Variants in TMEM135 observed in about 807,000 individuals in gnomAD.
TMEM135 encodes transmembrane protein 135.
Under a neutral mutation model 60.3 loss-of-function variants are expected in TMEM135, and 30 were observed. The ratio of observed to expected loss-of-function variants is 0.50; its 90% CI spans 0.37 to 0.68. The LOEUF is 0.68. TMEM135 is among the 30% of genes least tolerant of loss of function. The pLI is 0.00. For synonymous variants in TMEM135, 190 were observed against 186.7 expected, an observed-to-expected ratio of 1.02 and a Z score of -0.14; for missense variants, 468 against 548.8, an observed-to-expected ratio of 0.85 and a Z score of 1.47.
intron 8 of TMEM135, among the ~76,000 whole-genome samples, chr11:87,303,618 G>A (rs1434668201): frequency 1.3e-5 from 2 of 152,126 alleles, no homozygotes; most frequent in African/African-American, 2.4e-5. Context: ...TTATGAACTT[G>A]CCTGACATAA....
chr11:87,236,807 A>C (rs535338809), intron 6 of TMEM135, 123 bp downstream of exon 6: 1 of 886,804 alleles, frequency 1.1e-6, no homozygotes, highest in Non-Finnish European at 1.8e-6. Context: ...CTCCCCCCGC[A>C]CCCCCGCCCA....
intron 5 of TMEM135, among the ~76,000 whole-genome samples, chr11:87,186,949 A>G (rs553403182): frequency 6.6e-6 from 1 of 152,322 alleles, no homozygotes; most frequent in East Asian, 1.9e-4. Flanking sequence ...ACACTAGAAA[A>G]TATAATTATT....
intron 12 of TMEM135, among the ~76,000 whole-genome samples, chr11:87,316,672 A>G (rs1263749014): frequency 6.6e-6 from 1 of 152,018 alleles, no homozygotes; most frequent in African/African-American, 2.4e-5. Context: ...AAGGGAACTG[A>G]GAGAAAGAAA....
chr11:87,319,089 G>A (rs577663882), intron 13 of TMEM135: 76 of 500,718 alleles, frequency 1.5e-4, no homozygotes, highest in African/African-American at 1.2e-3. Context: ...GGCTGGTCTC[G>A]AGCTCCTGAT....
rs1394435906 is a variant in TMEM135 at position 87,327,594 on chromosome 11, T to TG, written c.*6263dup. On this transcript the variant is annotated 3_prime_UTR_variant, in exon 15 of 15. Transcript: ENST00000305494. ...AGATATGAGAGGGGATTAAGGGAGT[T>TG]GGCTCATGTGATTGTGGAGGCTGAG... 4 of 452,644 alleles carry TG rather than the reference T, an allele frequency of 8.8e-6. No homozygotes were observed. The highest frequency in any genetic ancestry group is 1.8e-5 in the Non-Finnish European group (4 of 226,128). The allele number at this position is 452,644 out of a possible 1,614,324, so 28.0% of individuals were successfully genotyped here.
chr11:87,291,094 C>T (rs1942253506), intron 6 of TMEM135, among the ~76,000 whole-genome samples: 1 of 152,132 alleles, frequency 6.6e-6, no homozygotes, highest in South Asian at 2.1e-4. Context: ...ATGATTGTAT[C>T]TAGTCTCATG....
intron 4 of TMEM135, among the ~76,000 whole-genome samples, chr11:87,141,169 T>C (rs373874889): frequency 6.6e-6 from 1 of 152,142 alleles, no homozygotes; most frequent in East Asian, 1.9e-4. Flanking sequence ...GCTTTGACTT[T>C]ATGAACAATT....
intron 6 of TMEM135, among the ~76,000 whole-genome samples, chr11:87,291,833 GT>G (rs1942270661): frequency 6.6e-6 from 1 of 151,966 alleles, no homozygotes; most frequent in South Asian, 2.1e-4. Context: ...GTGAGCCACC[GT>G]CCCCGGCCTC....
At chr11:87,202,070 A>G (rs982872231) in intron 5 of TMEM135, among the ~76,000 whole-genome samples, 1 of 151,842 alleles carries the variant, frequency 6.6e-6, no homozygotes, top group Non-Finnish European at 1.5e-5. Context: ...GCGTTGCCCA[A>G]ACTGGAGTGC....
chr11:87,302,543 A>G, intron 8 of TMEM135, 101 bp downstream of exon 8: 8 of 1,432,130 alleles, frequency 5.6e-6, no homozygotes, highest in Non-Finnish European at 7.8e-6. Context: ...GGTAATGATG[A>G]TCATTTTTCA....
chr11:87,169,058 C>T (rs1036256050), intron 5 of TMEM135, among the ~76,000 whole-genome samples: 2 of 151,646 alleles, frequency 1.3e-5, no homozygotes, highest in Non-Finnish European at 2.9e-5. Flanking sequence ...TATGTAATGC[C>T]CTTCTTTGTC....
chr11:87,077,968 A>G (rs1856908712), intron 3 of TMEM135, among the ~76,000 whole-genome samples: 1 of 152,178 alleles, frequency 6.6e-6, no homozygotes, highest in African/African-American at 2.4e-5. Context: ...GATATGTCAC[A>G]TTTTATTTAT....
intron 1 of TMEM135, among the ~76,000 whole-genome samples, chr11:87,043,313 A>G (rs1262545535): frequency 1.3e-5 from 2 of 152,044 alleles, no homozygotes; most frequent in South Asian, 2.1e-4. Context: ...TACGGTAACA[A>G]TGTATGCATG....
intron 6 of TMEM135, chr11:87,259,180 C>A (rs1322085695): frequency 8.8e-6 from 5 of 568,324 alleles, no homozygotes; most frequent in Non-Finnish European, 1.6e-5. Flanking sequence ...TCGTCCTCCT[C>A]CAACTCCTCC....
intron 5 of TMEM135, among the ~76,000 whole-genome samples, chr11:87,166,515 C>T (rs914116566): frequency 1.3e-5 from 2 of 151,688 alleles, no homozygotes; most frequent in Admixed American, 6.6e-5. Flanking sequence ...TTTCAGTTTT[C>T]TGCATATGGC....
intron 6 of TMEM135, among the ~76,000 whole-genome samples, chr11:87,237,181 T>G (rs116208502): frequency 0.023 from 3,425 of 152,102 alleles, 107 homozygotes; most frequent in African/African-American, 0.074. Context: ...GACACTGGTC[T>G]CAGGTTTGTT....
intron 4 of TMEM135, among the ~76,000 whole-genome samples, chr11:87,130,168 T>A (rs1371543940): frequency 9.9e-5 from 4 of 40,592 alleles, no homozygotes; most frequent in East Asian, 2.0e-3. Context: ...GTTCCAGCAT[T>A]TTTTTTTTTT....
chr11:87,141,170 A>G (rs1197466848), intron 4 of TMEM135, among the ~76,000 whole-genome samples: 1 of 151,810 alleles, frequency 6.6e-6, no homozygotes, highest in East Asian at 1.9e-4. Context: ...CTTTGACTTT[A>G]TGAACAATTT....
At chr11:87,166,376 G>C (rs1279985848) in intron 5 of TMEM135, among the ~76,000 whole-genome samples, 1 of 151,622 alleles carries the variant, frequency 6.6e-6, no homozygotes, top group Non-Finnish European at 1.5e-5. Flanking sequence ...TGAAGTCTTT[G>C]CCCATGGCTA....
Sources: gnomAD v4.1 joint callset for allele counts (sites outside exome capture counted in the v4.1 genomes callset) on GRCh38, gnomAD v4.1.1 for gene constraint, MANE v1.5 for transcripts, NCBI Gene and HGNC (gene_info 2026-07-23, HGNC 2026-07-21) for gene names.